Variants in NXPH2 observed in about 807,000 individuals in gnomAD.
NXPH2 encodes the protein neurexophilin-2.
In NXPH2, 5 loss-of-function variants were observed where a neutral mutation model predicts 19.8. The ratio of observed to expected loss-of-function variants is 0.25; its 90% CI spans 0.13 to 0.53. NXPH2 has a LOEUF of 0.53. NXPH2 is among the 20% of genes least tolerant of loss of function. The pLI is 0.96. For missense variants in NXPH2, 289 were observed against 322.8 expected, an observed-to-expected ratio of 0.90 and a Z score of 0.80; for synonymous variants, 154 against 127.4, an observed-to-expected ratio of 1.21 and a Z score of -1.41.
At chr2:138,721,624 A>T (rs1267879394) in intron 1 of NXPH2, among the ~76,000 whole-genome samples, 1 of 152,114 alleles carries the variant, frequency 6.6e-6, no homozygotes, top group African/African-American at 2.4e-5. Flanking sequence ...GTCACAATGG[A>T]AGAGATATGA....
intron 1 of NXPH2, among the ~76,000 whole-genome samples, chr2:138,759,679 C>T (rs551509739): frequency 1.6e-4 from 24 of 150,536 alleles, no homozygotes; most frequent in Non-Finnish European, 2.7e-4. Flanking sequence ...AAAGACAAAG[C>T]GGGTATGGAT....
At chr2:138,742,788 A>G (rs764037510) in intron 1 of NXPH2, among the ~76,000 whole-genome samples, 1 of 152,206 alleles carries the variant, frequency 6.6e-6, no homozygotes, top group Non-Finnish European at 1.5e-5. Context: ...GTAGTTTTGC[A>G]AAGTCAACAA....
chr2:138,776,615 T>TG (rs1375854315), intron 1 of NXPH2, among the ~76,000 whole-genome samples: 4 of 116,588 alleles, frequency 3.4e-5, no homozygotes, highest in Non-Finnish European at 7.5e-5. Context: ...GATATAGTGG[T>TG]GTTTTTTTTT....
chr2:138,723,326 A>G (rs1352050680), intron 1 of NXPH2, among the ~76,000 whole-genome samples: 1 of 152,190 alleles, frequency 6.6e-6, no homozygotes, highest in Non-Finnish European at 1.5e-5. Flanking sequence ...GATTATACAT[A>G]CTGGAATATG....
At chr2:138,728,356 G>T (rs554495189) in intron 1 of NXPH2, among the ~76,000 whole-genome samples, 40 of 152,266 alleles carry the variant, frequency 2.6e-4, no homozygotes, top group African/African-American at 9.1e-4. Flanking sequence ...ATTTTTGTTT[G>T]TTTAAGCCAC....
chr2:138,774,396 T>C (rs1457402303), intron 1 of NXPH2, among the ~76,000 whole-genome samples: 1 of 152,216 alleles, frequency 6.6e-6, no homozygotes, highest in Admixed American at 6.5e-5. Context: ...TACTTCTAAG[T>C]ATATACATCA....
chr2:138,749,084 G>A (rs1006841729), intron 1 of NXPH2, among the ~76,000 whole-genome samples: 1 of 152,140 alleles, frequency 6.6e-6, no homozygotes, highest in African/African-American at 2.4e-5. Context: ...GATGTTGAGG[G>A]AGGATCCTGG....
intron 1 of NXPH2, among the ~76,000 whole-genome samples, chr2:138,677,757 G>A (rs1680505475): frequency 6.6e-6 from 1 of 152,100 alleles, no homozygotes; most frequent in African/African-American, 2.4e-5. Context: ...ATCTTCCTCT[G>A]CAAACATTAT....
intron 1 of NXPH2, among the ~76,000 whole-genome samples, chr2:138,779,341 G>C (rs1212039761): frequency 2.6e-5 from 4 of 152,162 alleles, no homozygotes; most frequent in African/African-American, 7.2e-5. Flanking sequence ...TCTTACTTTG[G>C]TTTTCCCTCA....
At chr2:138,695,792 AT>A (rs1553481879) in intron 1 of NXPH2, among the ~76,000 whole-genome samples, 1 of 152,174 alleles carries the variant, frequency 6.6e-6, no homozygotes, top group Non-Finnish European at 1.5e-5. Flanking sequence ...AACCCACACA[AT>A]TCATAGACAA....
intron 1 of NXPH2, among the ~76,000 whole-genome samples, chr2:138,730,192 C>CG (rs1197245879): frequency 4.2e-5 from 6 of 143,220 alleles, no homozygotes; most frequent in Non-Finnish European, 7.6e-5. Flanking sequence ...CCCACCCCAC[C>CG]CTTTTTTTTT....
chr2:138,740,824 A>G (rs1250665315), intron 1 of NXPH2, among the ~76,000 whole-genome samples: 1 of 151,662 alleles, frequency 6.6e-6, no homozygotes, highest in African/African-American at 2.4e-5. Flanking sequence ...GAGGGTATGT[A>G]TTAGGTATGA....
intron 1 of NXPH2, among the ~76,000 whole-genome samples, chr2:138,760,173 CCAACTCTA>C (rs1238354562): frequency 2.0e-5 from 3 of 151,912 alleles, no homozygotes; most frequent in African/African-American, 4.8e-5. Flanking sequence ...ATTAACAAAC[CCAACTCTA>C]CATCAGACAA....
intron 1 of NXPH2, among the ~76,000 whole-genome samples, chr2:138,748,594 CCTCT>C (rs923979885): frequency 1.3e-5 from 2 of 151,434 alleles, no homozygotes; most frequent in East Asian, 1.9e-4. Context: ...TCTCTCTTTC[CCTCT>C]CTCTCTCTTA....
chr2:138,754,285 T>C (rs1681867760), intron 1 of NXPH2, among the ~76,000 whole-genome samples: 2 of 152,032 alleles, frequency 1.3e-5, no homozygotes. Context: ...ACCATTAGAG[T>C]ATCATATAGA....
chr2:138,671,548 G>A lies in NXPH2; in HGVS notation c.169C>T (p.Arg57Cys). 6.2e-7 allele frequency: 1 copy of A among 1,613,996 alleles called. No individual in the cohort carries two copies. Among genetic ancestry groups the A allele is most frequent in the Non-Finnish European group, 8.5e-7 (1 of 1,179,874 alleles). Residue 57 changes from arginine (R) to cysteine (C), a missense_variant, in exon 2 of 2, where the codon CGC becomes TGC. Arg to Cys is a radical substitution (Grantham distance 180). Coordinates refer to ENST00000272641, the MANE Select transcript of NXPH2 (RefSeq NM_007226.3). ...ACCGGAGACTGTTTAACAAACAGGC[G>A]CAGGGGACTGATGATCCTTGAGTGC... Reference protein sequence around the residue: ...VVHSRIISPLRLFVKQSPVPK... With the variant: ...VVHSRIISPLCLFVKQSPVPK...
intron 1 of NXPH2, among the ~76,000 whole-genome samples, chr2:138,773,414 T>C (rs1682208301): frequency 1.3e-5 from 2 of 152,290 alleles, no homozygotes; most frequent in Admixed American, 6.5e-5. Flanking sequence ...AAATGTTAAA[T>C]GATGCTTTAT....
intron 1 of NXPH2, among the ~76,000 whole-genome samples, chr2:138,768,526 T>C (rs911404489): frequency 6.6e-6 from 1 of 152,192 alleles, no homozygotes; most frequent in African/African-American, 2.4e-5. Context: ...TTAAATGAAG[T>C]GAAGCAAGGA....
intron 1 of NXPH2, among the ~76,000 whole-genome samples, chr2:138,700,478 G>GA (rs1680903048): frequency 6.6e-6 from 1 of 152,030 alleles, no homozygotes; most frequent in Non-Finnish European, 1.5e-5. Context: ...TTTCTGAAAG[G>GA]AAAAAAGAGA....
Sources: gnomAD v4.1 joint callset for allele counts (sites outside exome capture counted in the v4.1 genomes callset) on GRCh38, gnomAD v4.1.1 for gene constraint, MANE v1.5 for transcripts, NCBI Gene and HGNC (gene_info 2026-07-23, HGNC 2026-07-21) for gene names.